Variants in PRKN observed in about 807,000 individuals in gnomAD.
The protein encoded by PRKN is E3 ubiquitin-protein ligase parkin.
PRKN carries 56 observed loss-of-function variants against 59.5 expected under a neutral mutation model. That is an observed-to-expected ratio of 0.94 (90% CI 0.76 to 1.18). PRKN has a LOEUF of 1.18. Among genes scored for constraint, PRKN ranks in the 50% most tolerant of loss-of-function variants. The pLI, the probability that PRKN is intolerant of heterozygous loss-of-function variation, is 0.00. For missense variants in PRKN, 657 were observed against 596.4 expected, an observed-to-expected ratio of 1.10 and a Z score of -1.06; for synonymous variants, 250 against 222.1, an observed-to-expected ratio of 1.13 and a Z score of -1.12.
chr6:162,577,127 T>C (rs925380650), intron 1 of PRKN, among the ~76,000 whole-genome samples: 2 of 151,988 alleles, frequency 1.3e-5, no homozygotes, highest in African/African-American at 4.8e-5. Context: ...GAAATAATCA[T>C]AACCAAAGAG....
At chr6:162,277,600 G>C (rs560564346) in intron 2 of PRKN, among the ~76,000 whole-genome samples, 1 of 152,184 alleles carries the variant, frequency 6.6e-6, no homozygotes, top group East Asian at 1.9e-4. Context: ...AAACTCATCA[G>C]TAAATAAATA....
At chr6:162,096,256 G>C (rs988909893) in intron 4 of PRKN, among the ~76,000 whole-genome samples, 1 of 152,120 alleles carries the variant, frequency 6.6e-6, no homozygotes, top group Non-Finnish European at 1.5e-5. Flanking sequence ...TTCTCACTCT[G>C]TTCCCTAAAC....
intron 9 of PRKN, among the ~76,000 whole-genome samples, chr6:161,536,019 A>G (rs1265930188): frequency 6.6e-6 from 1 of 151,956 alleles, no homozygotes; most frequent in Non-Finnish European, 1.5e-5. Flanking sequence ...GAATATAATA[A>G]TCTGGAGGTG....
chr6:162,014,846 T>C (rs888193016), intron 5 of PRKN, among the ~76,000 whole-genome samples: 3 of 152,052 alleles, frequency 2.0e-5, no homozygotes, highest in African/African-American at 7.2e-5. Flanking sequence ...CTTAAATTAC[T>C]CCACCTCAGT....
At chr6:161,759,290 C>T (rs1345977535) in intron 7 of PRKN, among the ~76,000 whole-genome samples, 2 of 152,134 alleles carry the variant, frequency 1.3e-5, no homozygotes, top group African/African-American at 2.4e-5. Context: ...TCATGGCACG[C>T]CTGCATCTTC....
Position 161,503,609 on chromosome 6 carries a change from G to A in PRKN, c.1083+45245C>T, listed in dbSNP as rs542244729. 3.3e-5 allele frequency among the ~76,000 whole-genome samples: 5 copies of A among 152,280 alleles called. No homozygotes were observed. The highest frequency in any genetic ancestry group is 4.4e-5 in the Non-Finnish European group (3 of 68,036). On this transcript the variant is annotated intron_variant, in intron 9 of 11. Coordinates refer to ENST00000366898, the MANE Select transcript of PRKN (RefSeq NM_004562.3). The surrounding 1 kb of genome is among the most constrained non-coding windows in gnomAD (Gnocchi z 5.1). Reference sequence around the variant, plus strand: ...ACTGGACTGAGGGGGCTATGGGGGCGACCTAGTCTAGCTGGGTTCTAAGGC... The same window carrying A: ...ACTGGACTGAGGGGGCTATGGGGGCAACCTAGTCTAGCTGGGTTCTAAGGC...
intron 7 of PRKN, among the ~76,000 whole-genome samples, chr6:161,764,393 C>T (rs971773128): frequency 1.3e-5 from 2 of 152,276 alleles, no homozygotes; most frequent in Admixed American, 6.5e-5. Context: ...TTTGCTTTAT[C>T]TGACATTTTA....
intron 3 of PRKN, among the ~76,000 whole-genome samples, chr6:162,231,977 T>A (rs560124871): frequency 3.5e-4 from 53 of 152,314 alleles, no homozygotes; most frequent in Middle Eastern, 3.4e-3. Context: ...TGTCATCACC[T>A]GTCACCTAGA....
In PRKN at chr6:161,402,322, T is replaced by A. The variant is rs1026103557; in HGVS notation, c.1084-15445A>T. Among the ~76,000 whole-genome samples, 4 of 152,188 alleles carry A rather than the reference T, an allele frequency of 2.6e-5. No individual in the cohort carries two copies. Among genetic ancestry groups the A allele is most frequent in the Non-Finnish European group, 5.9e-5 (4 of 68,050 alleles). On this transcript the variant is annotated intron_variant, in intron 9 of 11. Coordinates refer to ENST00000366898, the MANE Select transcript of PRKN (RefSeq NM_004562.3). The surrounding 1 kb of genome is among the most constrained non-coding windows in gnomAD (Gnocchi z 4.5). Reference sequence around the variant, plus strand: ...ACTCTTCCCCTGCCTAAGTTTTCTTTTTCTCTCTCAATTTTATTGCTTTGC... The same window carrying A: ...ACTCTTCCCCTGCCTAAGTTTTCTTATTCTCTCTCAATTTTATTGCTTTGC...
chr6:162,442,051 C>G (rs577233376), intron 2 of PRKN, among the ~76,000 whole-genome samples: 1 of 152,074 alleles, frequency 6.6e-6, no homozygotes, highest in Middle Eastern at 3.2e-3. Context: ...ATGCACTTCC[C>G]TTATAAAACC....
At chr6:162,117,052 G>A (rs1191922886) in intron 4 of PRKN, among the ~76,000 whole-genome samples, 2 of 151,992 alleles carry the variant, frequency 1.3e-5, no homozygotes, top group African/African-American at 4.8e-5. Flanking sequence ...GATGGTTTCT[G>A]AGTAACACAT....
At chr6:162,237,194 C>T (rs576906531) in intron 3 of PRKN, among the ~76,000 whole-genome samples, 3 of 152,210 alleles carry the variant, frequency 2.0e-5, no homozygotes, top group South Asian at 2.1e-4. Context: ...CTCATCACAT[C>T]TCCTTTATGA....
chr6:162,378,129 A>T (rs528640448), intron 2 of PRKN, among the ~76,000 whole-genome samples: 8 of 152,336 alleles, frequency 5.3e-5, no homozygotes, highest in Middle Eastern at 6.8e-3. Context: ...AGATAAAGAA[A>T]GACCATCTAT....
chr6:161,907,286 A>T (rs1282650542), intron 6 of PRKN, among the ~76,000 whole-genome samples: 1 of 152,188 alleles, frequency 6.6e-6, no homozygotes, highest in Non-Finnish European at 1.5e-5. Flanking sequence ...TTTGAATAAA[A>T]ATAAGGCAAA....
chr6:162,712,400 T>C (rs1406207058), intron 1 of PRKN, among the ~76,000 whole-genome samples: 1 of 152,150 alleles, frequency 6.6e-6, no homozygotes, highest in Non-Finnish European at 1.5e-5. Flanking sequence ...GCTATAAAAA[T>C]GGAAGATTCC....
chr6:162,561,435 C>T (rs183308357), intron 1 of PRKN, among the ~76,000 whole-genome samples: 4 of 152,150 alleles, frequency 2.6e-5, no homozygotes, highest in Admixed American at 6.5e-5. Flanking sequence ...CCCCCGACCC[C>T]GCAAGGACAC....
intron 7 of PRKN, among the ~76,000 whole-genome samples, chr6:161,577,274 T>G (rs970046352): frequency 6.6e-6 from 1 of 152,182 alleles, no homozygotes; most frequent in Non-Finnish European, 1.5e-5. Context: ...GAAAAAGAAC[T>G]AAACTAATGA....
intron 9 of PRKN, among the ~76,000 whole-genome samples, chr6:161,489,861 C>T (rs1433088781): frequency 6.6e-6 from 1 of 152,174 alleles, no homozygotes; most frequent in Admixed American, 6.6e-5. Flanking sequence ...GCAGGAACTC[C>T]CCAGTTCTTG....
intron 4 of PRKN, among the ~76,000 whole-genome samples, chr6:162,115,758 A>T (rs996605407): frequency 3.3e-5 from 5 of 152,144 alleles, no homozygotes; most frequent in African/African-American, 1.2e-4. Context: ...GGAGATAGAT[A>T]AAAGCGGATG....
Sources: gnomAD v4.1 joint callset for allele counts (sites outside exome capture counted in the v4.1 genomes callset) on GRCh38, gnomAD v4.1.1 for gene constraint, Gnocchi (gnomAD v3.1) non-coding constraint, MANE v1.5 for transcripts, NCBI Gene and HGNC (gene_info 2026-07-23, HGNC 2026-07-21) for gene names.